SIPA1L1: variants seen among roughly 807,000 people sequenced by gnomAD.
The protein encoded by SIPA1L1 is signal induced proliferation associated 1 like 1, also known as signal-induced proliferation-associated 1-like protein 1.
In SIPA1L1, 26 loss-of-function variants were observed where a neutral mutation model predicts 162.7. That is an observed-to-expected ratio of 0.16 (90% CI 0.12 to 0.22). The LOEUF is 0.22. SIPA1L1 is among the 10% of genes least tolerant of loss of function. The probability of loss-of-function intolerance (pLI) is 1.00; values close to 1 mark genes in which losing one functional copy is unlikely to be tolerated. For missense variants in SIPA1L1, 1,874 were observed against 2,241.0 expected, an observed-to-expected ratio of 0.84 and a Z score of 3.31; for synonymous variants, 829 against 837.4, an observed-to-expected ratio of 0.99 and a Z score of 0.17.
chr14:71,377,128 C>T lies in SIPA1L1; in HGVS notation c.-465+55947C>T, dbSNP rs886822553. Among the ~76,000 whole-genome samples, 5 of 145,000 alleles carry T rather than the reference C, an allele frequency of 3.4e-5. No homozygotes were observed. The highest frequency in any genetic ancestry group is 6.1e-5 in the Non-Finnish European group (4 of 65,732). On this transcript the variant is annotated intron_variant, in intron 2 of 23. Transcript: ENST00000381232. The surrounding 1 kb of genome is among the most constrained non-coding windows in gnomAD (Gnocchi z 4.8). ...TGGCGGCCGGGCAGAGGGGCCCCCC[C>T]ACCCCCCAGATGGGGCGGCCAGGCA...
chr14:71,432,083 T>G (rs753530289), intron 2 of SIPA1L1, among the ~76,000 whole-genome samples: 4 of 152,118 alleles, frequency 2.6e-5, no homozygotes, highest in Non-Finnish European at 5.9e-5. Flanking sequence ...TTTCTTTTTT[T>G]TAATTTTTGA....
rs191537137 is a variant in SIPA1L1, at chr14:71,606,989, T to C, written c.1499-11768T>C. 3.3e-5 allele frequency among the ~76,000 whole-genome samples: 5 copies of C among 151,814 alleles called. No homozygotes were observed. In the East Asian group the frequency reaches 9.7e-4, roughly 29 times the overall value. On this transcript the variant is annotated intron_variant, in intron 5 of 23. Transcript: ENST00000381232. The stretch of plus-strand genomic sequence containing the variant: ...TATACATGCATAAACACAGGAACCA[T>C]AGAAGATGTGACACCAAAAGATTGG...
rs145943774 is a variant in SIPA1L1, at chr14:71,624,107, G to T, written c.1689G>T (p.Ser563=). The change falls in exon 7 of 24, where the codon TCG becomes TCT. Residue 563 remains serine, a synonymous_variant. Coordinates refer to ENST00000381232, the MANE Select transcript of SIPA1L1 (RefSeq NM_001386936.1). Reference sequence around the variant, plus strand: ...CCATTCCGTCGACAGCCAAGCACTCGACAGCCAGAGGCCTGCCTCTCAAAG... The same window carrying T: ...CCATTCCGTCGACAGCCAAGCACTCTACAGCCAGAGGCCTGCCTCTCAAAG... ...EDAIPSTAKH[S]TARGLPLKEV... is the part of the protein sequence containing the mutation. The T allele has an allele frequency of 4.3e-6, 7 of 1,613,936 alleles. No individual in the cohort carries two copies. The highest frequency in any genetic ancestry group is 2.7e-5 in the African/African-American group (2 of 74,900).
chr14:71,333,535 C>T (rs756349917), intron 2 of SIPA1L1, among the ~76,000 whole-genome samples: 5 of 152,150 alleles, frequency 3.3e-5, no homozygotes, highest in Admixed American at 6.5e-5. Flanking sequence ...TGTTGCTTTT[C>T]GTAAATCTGG....
intron 3 of SIPA1L1, among the ~76,000 whole-genome samples, chr14:71,515,144 A>G (rs1278893968): frequency 6.6e-6 from 1 of 152,246 alleles, no homozygotes; most frequent in Non-Finnish European, 1.5e-5. Context: ...CAAAAATTTC[A>G]TAAAGAACCT....
At chr14:71,715,467 C>CA (rs949718168) in intron 17 of SIPA1L1, among the ~76,000 whole-genome samples, 4 of 152,234 alleles carry the variant, frequency 2.6e-5, no homozygotes, top group Admixed American at 2.6e-4. Context: ...AGATTCTACA[C>CA]AATAGACAGC....
At chr14:71,660,598 G>A (rs745775570) in intron 9 of SIPA1L1, among the ~76,000 whole-genome samples, 50 of 152,116 alleles carry the variant, frequency 3.3e-4, no homozygotes, top group Non-Finnish European at 5.9e-4. Context: ...AAGAGCCTCC[G>A]TACAGTAAGT....
chr14:71,585,350 G>A lies in SIPA1L1; in HGVS notation c.-302-2221G>A, dbSNP rs78930446. 6.4e-3 allele frequency among the ~76,000 whole-genome samples: 972 copies of A among 152,166 alleles called. 6 individuals are homozygous for A. The highest frequency in any genetic ancestry group is 0.022 in the African/African-American group (905 of 41,524). Reference sequence around the variant, plus strand: ...TGAAATGAAAAGAAAACATTGAGTCGTTGTTATATAATGTAATGGGAGTCT... The same window carrying A: ...TGAAATGAAAAGAAAACATTGAGTCATTGTTATATAATGTAATGGGAGTCT... On this transcript the variant is annotated intron_variant, in intron 4 of 23. Transcript: ENST00000381232.
chr14:71,699,289 T>C (rs567704166), intron 14 of SIPA1L1, among the ~76,000 whole-genome samples, 162 bp downstream of exon 14: 2 of 152,234 alleles, frequency 1.3e-5, no homozygotes, highest in South Asian at 4.1e-4. Flanking sequence ...AATGGCTTCA[T>C]GGCTGGTTTA....
chr14:71,671,222 A>G lies in SIPA1L1; in HGVS notation c.2359A>G (p.Lys787Glu). ...SNVFRDFLLA[K>E]VINAENAAHK... ...TGTGTTCAGGGACTTCCTTTTGGCG[A>G]AAGTGATTAATGCAGAAAATGCTGC... The change falls in exon 11 of 24, where the codon AAA becomes GAA. Residue 787 changes from lysine (K) to glutamate (E), a missense_variant. Lys to Glu is a moderately conservative substitution (Grantham distance 56). Coordinates refer to ENST00000381232, the MANE Select transcript of SIPA1L1 (RefSeq NM_001386936.1). 1 of 1,614,154 alleles carries G rather than the reference A, an allele frequency of 6.2e-7. No homozygotes were observed. Among genetic ancestry groups the G allele is most frequent in the Non-Finnish European group, 8.5e-7 (1 of 1,180,032 alleles).
At position 71,417,469 on chromosome 14, in the gene SIPA1L1, CAAAAAAAAAAAAAAAAAAAA is replaced by C. The variant is rs58628136; in HGVS notation, c.-464-95259_-464-95240del. Reference sequence around the variant, plus strand: ...CCTGGGCGACAGCGAGACTCCGTCTCAAAAAAAAAAAAAAAAAAAAAAAAAAAAAAAAAAGAAAATCCTAA... The same window carrying C: ...CCTGGGCGACAGCGAGACTCCGTCTCAAAAAAAAAAAAAAGAAAATCCTAA... On this transcript the variant is annotated intron_variant, in intron 2 of 23. Coordinates refer to ENST00000381232, the MANE Select transcript of SIPA1L1 (RefSeq NM_001386936.1). 8.0e-3 allele frequency among the ~76,000 whole-genome samples: 143 copies of C among 17,782 alleles called. 2 individuals carry two copies. The highest frequency in any genetic ancestry group is 0.024 in the African/African-American group (112 of 4,624). 11.7% of individuals were successfully genotyped at this position (17,782 alleles called of 152,430 possible). A position where few individuals can be genotyped will look rare whatever the true frequency, so the allele number is the denominator to read the frequency against.
chr14:71,552,653 C>T (rs2055969314), intron 4 of SIPA1L1, among the ~76,000 whole-genome samples: 1 of 152,086 alleles, frequency 6.6e-6, no homozygotes, highest in African/African-American at 2.4e-5. Context: ...GCCTCGGCCT[C>T]CCAGAGTGCT....
At chr14:71,428,105 G>T (rs561193416) in intron 2 of SIPA1L1, among the ~76,000 whole-genome samples, 23 of 151,890 alleles carry the variant, frequency 1.5e-4, no homozygotes, top group Admixed American at 8.5e-4. Flanking sequence ...CGATTCTCCT[G>T]CCTCAGCCTC....
At chr14:71,379,476 T>A (rs1222942108) in intron 2 of SIPA1L1, 1 of 141,336 alleles carries the variant, frequency 7.1e-6, no homozygotes, top group Non-Finnish European at 1.5e-5. Flanking sequence ...GCTAATTAAT[T>A]TTTTTTTTTT....
chr14:71,474,897 G>T (rs2047728423), intron 2 of SIPA1L1, among the ~76,000 whole-genome samples: 1 of 152,164 alleles, frequency 6.6e-6, no homozygotes, highest in Non-Finnish European at 1.5e-5. Flanking sequence ...CGTGTAAAAT[G>T]AATGAGTTTT....
At chr14:71,651,950 A>T (rs1457341459) in intron 8 of SIPA1L1, among the ~76,000 whole-genome samples, 1 of 152,186 alleles carries the variant, frequency 6.6e-6, no homozygotes, top group East Asian at 1.9e-4. Flanking sequence ...TAGTTTTGGA[A>T]TTATATAATA....
At chr14:71,533,790 T>A (rs752189262) in intron 4 of SIPA1L1, among the ~76,000 whole-genome samples, 3 of 152,220 alleles carry the variant, frequency 2.0e-5, no homozygotes, top group Non-Finnish European at 4.4e-5. Context: ...TGAAAGACTT[T>A]AGAGTGAGTT....
At chr14:71,390,332 T>G (rs2040642039) in intron 2 of SIPA1L1, among the ~76,000 whole-genome samples, 1 of 150,380 alleles carries the variant, frequency 6.6e-6, no homozygotes, top group African/African-American at 2.4e-5. Context: ...GCTATTAATA[T>G]TTAAACTATT....
chr14:71,377,281 G>A lies in SIPA1L1; in HGVS notation c.-465+56100G>A, dbSNP rs1000352670. Among the ~76,000 whole-genome samples the A allele has an allele frequency of 2.2e-4, 33 of 150,732 alleles. No individual in the cohort carries two copies. Among genetic ancestry groups the A allele is most frequent in the Non-Finnish European group, 3.8e-4 (26 of 67,658 alleles). On this transcript the variant is annotated intron_variant, in intron 2 of 23. Coordinates refer to ENST00000381232, the MANE Select transcript of SIPA1L1 (RefSeq NM_001386936.1). The surrounding 1 kb of genome is among the most constrained non-coding windows in gnomAD (Gnocchi z 4.8). ...GACGGGGCGGCGGCCGGACGGGGGC[G>A]TTCTCCACTTCTCAGACAGGGCGGC...
Sources: allele counts gnomAD v4.1 joint callset (sites outside exome capture counted in the v4.1 genomes callset), GRCh38; gene constraint gnomAD v4.1.1; non-coding constraint Gnocchi (gnomAD v3.1); transcripts MANE v1.5; gene names NCBI Gene and HGNC (gene_info 2026-07-23, HGNC 2026-07-21).